The following RAB11FIP1 variants were observed in gnomAD, a reference collection of about 807,000 sequenced individuals.
The protein encoded by RAB11FIP1 is rab11 family-interacting protein 1.
A neutral mutation model predicts 83.1 loss-of-function variants in RAB11FIP1; 49 were observed. The ratio of observed to expected loss-of-function variants is 0.59; its 90% CI spans 0.47 to 0.75. The LOEUF is 0.75. Among genes scored for constraint, RAB11FIP1 ranks in the 30% least tolerant of loss-of-function variants. The probability of loss-of-function intolerance (pLI) is 0.00; values close to 1 mark genes in which losing one functional copy is unlikely to be tolerated. For missense variants in RAB11FIP1, 1,536 were observed against 1,598.7 expected, an observed-to-expected ratio of 0.96 and a Z score of 0.67; for synonymous variants, 670 against 656.0, an observed-to-expected ratio of 1.02 and a Z score of -0.33.
chr8:37,887,620 A>G (rs548464828), intron 1 of RAB11FIP1, among the ~76,000 whole-genome samples: 18 of 151,880 alleles, frequency 1.2e-4, no homozygotes, highest in Middle Eastern at 3.4e-3. Context: ...TCTTTTTCCC[A>G]TACATTTTAA....
rs768621870 is a variant in RAB11FIP1, at chr8:37,862,864, A to G, written c.*31T>C. ...CTGGAGCAGGTGAAAGTGAAGTCAC[A>G]GAAACGTCTCGGTGTTTTTTTTCTG... On this transcript the variant is annotated 3_prime_UTR_variant, in exon 6 of 6. Transcript: ENST00000330843. 1 of 1,576,052 alleles carries G rather than the reference A, an allele frequency of 6.3e-7. No homozygotes were observed. Among genetic ancestry groups the G allele is most frequent in the Non-Finnish European group, 8.7e-7 (1 of 1,151,606 alleles).
chr8:37,884,553 A>AGTTGTT (rs960801177), intron 1 of RAB11FIP1, among the ~76,000 whole-genome samples: 3 of 150,632 alleles, frequency 2.0e-5, no homozygotes, highest in East Asian at 2.0e-4. Context: ...ACACCCAACT[A>AGTTGTT]GTTGTTGTTG....
rs1163816351 is a variant in RAB11FIP1 at position 37,899,118 on chromosome 8, C to T, written c.324G>A (p.Glu108=). ...LGLDKFLGRA[E]VDLRDLHRDQ... ...CGCGGTGCAGATCCCGCAGGTCCAC[C>T]TCGGCGCGGCCCAGGAACTTGTCGA... Residue 108 remains glutamate (E), a synonymous_variant, in exon 1 of 6, where the codon GAG becomes GAA. Coordinates refer to ENST00000330843, the MANE Select transcript of RAB11FIP1 (RefSeq NM_001002814.3). The surrounding 1 kb of genome is among the most constrained non-coding windows in gnomAD (Gnocchi z 4.5). 8 of 1,535,020 alleles carry T rather than the reference C, an allele frequency of 5.2e-6. No individual in the cohort carries two copies. The highest frequency in any genetic ancestry group is 7.0e-6 in the Non-Finnish European group (8 of 1,150,430).
rs907683716 is a variant in RAB11FIP1 at position 37,859,831 on chromosome 8, G to A, written c.*3064C>T. ...TGGAAGGAGGTCCCAGCTCTTCTGA[G>A]ACATAGGCCATTTGTAGGATTCTCC... On this transcript the variant is annotated 3_prime_UTR_variant, in exon 6 of 6. Transcript: ENST00000330843. The A allele has an allele frequency of 6.6e-5, 10 of 152,294 alleles. No homozygotes were observed. Among genetic ancestry groups the A allele is most frequent in the African/African-American group, 2.4e-4 (10 of 41,554 alleles). The allele number at this position is 152,294 out of a possible 1,614,324, so 9.4% of individuals were successfully genotyped here. A position where few individuals can be genotyped will look rare whatever the true frequency, so the allele number is the denominator to read the frequency against.
chr8:37,895,903 A>G (rs966976886), intron 1 of RAB11FIP1, among the ~76,000 whole-genome samples: 3 of 151,758 alleles, frequency 2.0e-5, no homozygotes, highest in African/African-American at 7.3e-5. Flanking sequence ...CACACACACA[A>G]TCTACAGACC....
rs1554531493 is a variant in RAB11FIP1, at chr8:37,876,262, G to GAAGA, written c.814+843_814+846dup. 9.5e-3 allele frequency among the ~76,000 whole-genome samples: 1,307 copies of GAAGA among 138,208 alleles called. 30 individuals carry two copies. The highest frequency in any genetic ancestry group is 0.036 in the African/African-American group (1,204 of 33,274). 90.7% of individuals were successfully genotyped at this position (138,208 alleles called of 152,430 possible). ...GGAAGGAAGGAAGGAAGGAAGGAAG[G>GAAGA]AAGAAAGAAGGAAAGAAACCAGAGG... On this transcript the variant is annotated intron_variant, in intron 2 of 5. Transcript: ENST00000330843.
chr8:37,877,323 G>A lies in RAB11FIP1; in HGVS notation c.600C>T (p.Val200=), dbSNP rs761289092. 1.2e-5 allele frequency: 19 copies of A among 1,614,028 alleles called. No individual in the cohort carries two copies. The highest frequency in any genetic ancestry group is 4.4e-5 in the South Asian group (4 of 91,076). The stretch of plus-strand genomic sequence containing the variant: ...TAACCACAGACTCATCATCACTGTC[G>A]ACCGAAGGTGTCGTGCTAGGGATGA... ...SAIIPSTTPS[V]DSDDESVVKD... The change falls in exon 2 of 6, where the codon GTC becomes GTT. Residue 200 remains valine, a synonymous_variant. Coordinates refer to ENST00000330843, the MANE Select transcript of RAB11FIP1 (RefSeq NM_001002814.3).
rs548525635 is a variant in RAB11FIP1, at chr8:37,872,015, G to C, written c.2787C>G (p.Asp929Glu). ...LVTQYQSKAS[D>E]HEGLLSDPLS... is the part of the protein sequence containing the mutation. ...AGGGGTCAGACAATAAACCTTCGTG[G>C]TCACTGGCTTTGCTCTGATACTGAG... is the stretch of plus-strand genomic sequence containing the variant. The change falls in exon 4 of 6, where the codon GAC becomes GAG. Residue 929 changes from aspartate (D) to glutamate (E), a missense_variant. Transcript: ENST00000330843. 6.2e-7 allele frequency: 1 copy of C among 1,614,150 alleles called. No individual in the cohort carries two copies. The highest frequency in any genetic ancestry group is 1.3e-5 in the African/African-American group (1 of 75,020).
chr8:37,895,372 A>G (rs1004548987), intron 1 of RAB11FIP1, among the ~76,000 whole-genome samples: 5 of 137,330 alleles, frequency 3.6e-5, no homozygotes, highest in Admixed American at 3.1e-4. Flanking sequence ...CGGCCTCCCA[A>G]AGTGCTAGGA....
chr8:37,881,064 G>T (rs1169829592), intron 1 of RAB11FIP1, among the ~76,000 whole-genome samples: 1 of 152,234 alleles, frequency 6.6e-6, no homozygotes, highest in African/African-American at 2.4e-5. Context: ...ACACTTAGAG[G>T]AAAGGCACAG....
Position 37,871,502 on chromosome 8 carries a change from AG to A in RAB11FIP1, c.3299del (p.Pro1100LeufsTer80). On this transcript the variant is annotated frameshift_variant, in exon 4 of 6. Coordinates refer to ENST00000330843, the MANE Select transcript of RAB11FIP1 (RefSeq NM_001002814.3). LOFTEE classifies it high-confidence loss of function. ...SLDNPVPSPS[P>X]SEIFPVTHSF... ...AGTGTGTGACAGGAAAGATCTCAGA[AG>A]GGGAGGGGCTGGGTACAGGATTGTC... 3 of 1,612,204 alleles carry A rather than the reference AG, an allele frequency of 1.9e-6. No homozygotes were observed. Among genetic ancestry groups the A allele is most frequent in the Non-Finnish European group, 2.5e-6 (3 of 1,179,170 alleles).
chr8:37,869,403 C>T (rs1806403223), intron 5 of RAB11FIP1, among the ~76,000 whole-genome samples: 1 of 150,126 alleles, frequency 6.7e-6, no homozygotes, highest in Admixed American at 6.7e-5. Context: ...ATGAGCGTGG[C>T]CAACATAGCA....
chr8:37,865,919 C>T (rs1806332923), intron 5 of RAB11FIP1, among the ~76,000 whole-genome samples: 1 of 152,134 alleles, frequency 6.6e-6, no homozygotes, highest in African/African-American at 2.4e-5. Context: ...AATGTGTACA[C>T]ACTTAAGGTA....
intron 1 of RAB11FIP1, among the ~76,000 whole-genome samples, chr8:37,895,363 G>A (rs1374388418): frequency 2.3e-5 from 3 of 129,830 alleles, no homozygotes; most frequent in Non-Finnish European, 4.7e-5. Flanking sequence ...CTCCTGCCTC[G>A]GCCTCCCAAA....
chr8:37,879,183 C>T (rs538483476), intron 1 of RAB11FIP1, among the ~76,000 whole-genome samples: 2 of 152,186 alleles, frequency 1.3e-5, no homozygotes, highest in East Asian at 3.9e-4. Flanking sequence ...TGGCGAGCAC[C>T]TGTAATCCCA....
chr8:37,899,276 C>A lies in RAB11FIP1; in HGVS notation c.166G>T (p.Val56Leu). 1 of 1,608,150 alleles carries A rather than the reference C, an allele frequency of 6.2e-7. No homozygotes were observed. Among genetic ancestry groups the A allele is most frequent in the Non-Finnish European group, 8.5e-7 (1 of 1,178,584 alleles). ...QVGKEKYATS[V>L]SERSLGAPVW... ...GGCGCGCCCAGGCTGCGCTCCGACA[C>A]GGAGGTGGCGTACTTCTCCTTGCCC... Residue 56 changes from valine (V) to leucine (L), a missense_variant, in exon 1 of 6, where the codon GTG (valine) becomes TTG (leucine). By Grantham distance (32) the Val-to-Leu change is conservative (BLOSUM62 1). Coordinates refer to ENST00000330843, the MANE Select transcript of RAB11FIP1 (RefSeq NM_001002814.3). This position sits in a 1 kb window ranked among gnomAD's most constrained non-coding sequence, Gnocchi z 4.5.
chr8:37,872,553 C>G lies in RAB11FIP1; in HGVS notation c.2249G>C (p.Arg750Thr). 3 of 1,614,238 alleles carry G rather than the reference C, an allele frequency of 1.9e-6. No homozygotes were observed. Among genetic ancestry groups the G allele is most frequent in the Non-Finnish European group, 2.5e-6 (3 of 1,180,040 alleles). Residue 750 changes from arginine (R) to threonine (T), a missense_variant, in exon 4 of 6, where the codon AGA (arginine) becomes ACA (threonine). By Grantham distance (71) the Arg-to-Thr change is moderately conservative (BLOSUM62 -1). Coordinates refer to ENST00000330843, the MANE Select transcript of RAB11FIP1 (RefSeq NM_001002814.3). ...AGACCCAGCCTGACTCTCCAAGTCT[C>G]TGTCTCCTCCTGCTGCAAGCTCCCC... is the stretch of plus-strand genomic sequence containing the variant. ...PVGELAAGGD[R>T]DLESQAGSLV...
At chr8:37,882,784 T>C (rs1806753992) in intron 1 of RAB11FIP1, among the ~76,000 whole-genome samples, 1 of 152,118 alleles carries the variant, frequency 6.6e-6, no homozygotes, top group South Asian at 2.1e-4. Flanking sequence ...TTTCCGAAAG[T>C]ATCAGTGAGG....
At chr8:37,871,119 G>A in intron 4 of RAB11FIP1, 159 bp downstream of exon 4, 1 of 827,672 alleles carries the variant, frequency 1.2e-6, no homozygotes, top group Non-Finnish European at 1.8e-6. Flanking sequence ...GCAGTGTCTT[G>A]AGGTATTACC....
Sources: allele counts gnomAD v4.1 joint callset (sites outside exome capture counted in the v4.1 genomes callset), GRCh38; gene constraint gnomAD v4.1.1; non-coding constraint Gnocchi (gnomAD v3.1); transcripts MANE v1.5; gene names NCBI Gene and HGNC (gene_info 2026-07-23, HGNC 2026-07-21).